Variants in DNAH10 observed in about 807,000 individuals in gnomAD.
The protein encoded by DNAH10 is dynein axonemal heavy chain 10, also known as axonemal beta dynein heavy chain 10.
DNAH10 carries 348 observed loss-of-function variants against 506.6 expected under a neutral mutation model. That is an observed-to-expected ratio of 0.69 (90% CI 0.63 to 0.75). The LOEUF (loss-of-function observed/expected upper bound fraction) is 0.75, where lower values mean the gene tolerates loss of function less well. Among genes scored for constraint, DNAH10 ranks in the 30% least tolerant of loss-of-function variants. DNAH10 has a pLI of 0.00. For missense variants in DNAH10, 5,179 were observed against 5,787.1 expected, an observed-to-expected ratio of 0.89 and a Z score of 3.41; for synonymous variants, 2,059 against 2,198.6, an observed-to-expected ratio of 0.94 and a Z score of 1.78.
chr12:123,884,506 C>T (rs142110816), intron 51 of DNAH10, among the ~76,000 whole-genome samples: 332 of 152,304 alleles, frequency 2.2e-3, no homozygotes, highest in South Asian at 0.011. Context: ...GGCCCTCTCC[C>T]GGGCTGCAGA....
Position 123,866,528 on chromosome 12 carries a change from CCACCGACA to C in DNAH10, c.7167+467_7167+474del, listed in dbSNP as rs554242399. On this transcript the variant is annotated intron_variant, in intron 41 of 78. Transcript: ENST00000673944. ...AAAGTGCTGGGATTACAGGCGTGAG[CCACCGACA>C]CACCGACACACTTATTTAATTTCAG... Among the ~76,000 whole-genome samples, 34 of 152,098 alleles carry C rather than the reference CCACCGACA, an allele frequency of 2.2e-4. No homozygotes were observed. In the East Asian group the frequency reaches 4.5e-3, roughly 20 times the overall value.
At chr12:123,815,477 A>C (rs1164396247) in intron 21 of DNAH10, among the ~76,000 whole-genome samples, 1 of 152,140 alleles carries the variant, frequency 6.6e-6, no homozygotes, top group East Asian at 1.9e-4. Flanking sequence ...TGACAGTTTC[A>C]TTTTAATTTT....
chr12:123,792,677 T>G (rs1292772921), intron 11 of DNAH10, among the ~76,000 whole-genome samples: 1 of 152,094 alleles, frequency 6.6e-6, no homozygotes, highest in Non-Finnish European at 1.5e-5. Context: ...GCCAGGCTGG[T>G]CTTGAACTTC....
chr12:123,897,822 TGTCTTG>T lies in DNAH10; in HGVS notation c.9336_9341del (p.Leu3113_Val3114del). 1 of 1,611,610 alleles carries T rather than the reference TGTCTTG, an allele frequency of 6.2e-7. No homozygotes were observed. Among genetic ancestry groups the T allele is most frequent in the Non-Finnish European group, 8.5e-7 (1 of 1,179,336 alleles). ...ATATAGAAAATGTGGTGAAGCATGT[TGTCTTG>T]GTTCACCAATCCGTGGACCACTACA... On this transcript the variant is annotated inframe_deletion, in exon 55 of 79. Coordinates refer to ENST00000673944, the MANE Select transcript of DNAH10 (RefSeq NM_001372106.1).
intron 59 of DNAH10, among the ~76,000 whole-genome samples, chr12:123,910,902 A>G (rs535732303): frequency 9.2e-5 from 14 of 152,250 alleles, no homozygotes; most frequent in African/African-American, 3.1e-4. Flanking sequence ...ACTTCCTGTG[A>G]AAGTGTAGTA....
chr12:123,935,214 CGTGTTCTCAGG>C, intron 78 of DNAH10, 110 bp from the exon 79 acceptor site: 1 of 1,205,378 alleles, frequency 8.3e-7, no homozygotes, highest in East Asian at 2.4e-5. Context: ...CAGCCTTGTG[CGTGTTCTCAGG>C]TGCAGTCTTG....
At chr12:123,845,503 C>T in intron 30 of DNAH10, 97 bp from the exon 31 acceptor site, 2 of 1,492,446 alleles carry the variant, frequency 1.3e-6, no homozygotes, top group Non-Finnish European at 1.8e-6. Flanking sequence ...CTTTGCCCTC[C>T]CTATTCCAGA....
chr12:123,790,677 G>T (rs1395119045), intron 11 of DNAH10, among the ~76,000 whole-genome samples: 3 of 152,114 alleles, frequency 2.0e-5, no homozygotes, highest in Non-Finnish European at 4.4e-5. Flanking sequence ...AGAGGGGTTT[G>T]GCATAACACA....
At chr12:123,900,032 ACCCT>A (rs1953448037) in intron 56 of DNAH10, among the ~76,000 whole-genome samples, 1 of 151,996 alleles carries the variant, frequency 6.6e-6, no homozygotes, top group Non-Finnish European at 1.5e-5. Flanking sequence ...TTCTCATGAC[ACCCT>A]GTCGCCTGCT....
Position 123,901,745 on chromosome 12 carries a change from C to T in DNAH10, c.9641-1194C>T, listed in dbSNP as rs1953531103. ...GCGCGATCTCGGCTCACTGCAACCT[C>T]TGCCTCCTGGGTTTAAGCGATTCTC... On this transcript the variant is annotated intron_variant, in intron 56 of 78. Transcript: ENST00000673944. Among the ~76,000 whole-genome samples the T allele has an allele frequency of 2.0e-5, 3 of 152,206 alleles. No individual in the cohort carries two copies. In the South Asian group the frequency reaches 6.2e-4, roughly 32 times the overall value.
chr12:123,864,581 T>C lies in DNAH10; in HGVS notation c.6909-14T>C, dbSNP rs1951731281. On this transcript the variant is annotated splice_polypyrimidine_tract_variant and intron_variant, in intron 39 of 78. Coordinates refer to ENST00000673944, the MANE Select transcript of DNAH10 (RefSeq NM_001372106.1). Reference sequence around the variant, plus strand: ...CTCTAGGACCCATGGCTCTCCTTTCTTTGGTTGCTGCAGGTATATTTTATT... The same window carrying C: ...CTCTAGGACCCATGGCTCTCCTTTCCTTGGTTGCTGCAGGTATATTTTATT... The C allele has an allele frequency of 6.2e-7, 1 of 1,613,046 alleles. No homozygotes were observed. Among genetic ancestry groups the C allele is most frequent in the African/African-American group, 1.3e-5 (1 of 74,958 alleles).
chr12:123,853,154 T>C lies in DNAH10; in HGVS notation c.6292-52T>C, dbSNP rs929366424. 6.8e-7 allele frequency: 1 copy of C among 1,479,104 alleles called. No homozygotes were observed. The highest frequency in any genetic ancestry group is 9.0e-7 in the Non-Finnish European group (1 of 1,106,468). The allele number at this position is 1,479,104 out of a possible 1,614,324, so 91.6% of individuals were successfully genotyped here. A position where few individuals can be genotyped will look rare whatever the true frequency, so the allele number is the denominator to read the frequency against. On this transcript the variant is annotated intron_variant, in intron 35 of 78. Coordinates refer to ENST00000673944, the MANE Select transcript of DNAH10 (RefSeq NM_001372106.1). The surrounding 1 kb of genome is among the most constrained non-coding windows in gnomAD (Gnocchi z 4.7). ...TTGTAGAATGATGCTCCATTGCTTT[T>C]GAATCATTTTCTTTTTTCTTTTTTT...
intron 35 of DNAH10, among the ~76,000 whole-genome samples, chr12:123,851,282 C>T (rs1951158897): frequency 6.7e-6 from 1 of 148,382 alleles, no homozygotes; most frequent in African/African-American, 2.6e-5. Context: ...TGTGTTAGTT[C>T]CATGTGGGTC....
At position 123,931,258 on chromosome 12, in the gene DNAH10, G is replaced by A; in HGVS notation, c.12785-83G>A. The A allele has an allele frequency of 5.1e-6, 8 of 1,561,050 alleles. No homozygotes were observed. In the Admixed American group the frequency reaches 1.3e-4, roughly 26 times the overall value. On this transcript the variant is annotated intron_variant, in intron 73 of 78. Transcript: ENST00000673944. Reference sequence around the variant, plus strand: ...TAAACAGTGGAAATTAGTCTTGCATGTCTTGGAGACTTTGAGGCTGTGGGC... The same window carrying A: ...TAAACAGTGGAAATTAGTCTTGCATATCTTGGAGACTTTGAGGCTGTGGGC...
chr12:123,868,678 A>T (rs757509099), intron 43 of DNAH10, among the ~76,000 whole-genome samples: 5 of 152,148 alleles, frequency 3.3e-5, no homozygotes, highest in Non-Finnish European at 5.9e-5. Context: ...CAATGGTAGG[A>T]CCCTTCTTTA....
intron 50 of DNAH10, 76 bp downstream of exon 50, chr12:123,879,877 G>T: frequency 2.0e-6 from 3 of 1,527,882 alleles, no homozygotes; most frequent in Non-Finnish European, 2.7e-6. Flanking sequence ...AGCATCGCGC[G>T]GGTGCCCGGG....
At chr12:123,843,423 G>T (rs192965747) in intron 30 of DNAH10, among the ~76,000 whole-genome samples, 2 of 152,112 alleles carry the variant, frequency 1.3e-5, no homozygotes, top group Admixed American at 6.5e-5. Flanking sequence ...CATCATTTCG[G>T]TGTCGTCCTC....
chr12:123,935,410 G>GA lies in DNAH10; in HGVS notation c.13700dup (p.Asp4567GlufsTer23). The stretch of plus-strand genomic sequence containing the variant: ...GGGAGTCGGCTTGGTTTTTGAAGCT[G>GA]ATCTCTTTACCACGAGGCACATTTC... On this transcript the variant is annotated frameshift_variant, in exon 79 of 79. Coordinates refer to ENST00000673944, the MANE Select transcript of DNAH10 (RefSeq NM_001372106.1). LOFTEE classifies it high-confidence loss of function. 6.2e-7 allele frequency: 1 copy of GA among 1,611,854 alleles called. No homozygotes were observed. Among genetic ancestry groups the GA allele is most frequent in the Non-Finnish European group, 8.5e-7 (1 of 1,178,036 alleles).
rs1290052937 is a variant in DNAH10, at chr12:123,930,417, C to T, written c.12628C>T (p.Arg4210Trp). ...YLIGEVMYGG[R>W]AIDSFDRRIL... Reference sequence around the variant, plus strand: ...CTAATTTCAGGTCATGTATGGAGGACGGGCCATCGACAGCTTTGATCGCCG... The same window carrying T: ...CTAATTTCAGGTCATGTATGGAGGATGGGCCATCGACAGCTTTGATCGCCG... Residue 4210 changes from arginine to tryptophan, a missense_variant, in exon 73 of 79, where the codon CGG (arginine) becomes TGG (tryptophan). Physicochemically the swap from Arg to Trp is moderately radical, Grantham distance 101 (BLOSUM62 -3). Around this residue, in one of 3 missense-constraint regions of DNAH10, gnomAD observed 4,844 missense variants for 5,430.5 expected, o/e 0.89. Transcript: ENST00000673944. The T allele has an allele frequency of 1.5e-5, 23 of 1,582,868 alleles. No individual in the cohort carries two copies. Among genetic ancestry groups the T allele is most frequent in the East Asian group, 2.3e-5 (1 of 43,490 alleles).
Sources: allele counts gnomAD v4.1 joint callset (sites outside exome capture counted in the v4.1 genomes callset), GRCh38; gene constraint gnomAD v4.1.1; regional missense constraint gnomAD v4.1.1; non-coding constraint Gnocchi (gnomAD v3.1); transcripts MANE v1.5; gene names NCBI Gene and HGNC (gene_info 2026-07-23, HGNC 2026-07-21).